Variants in SLC24A2 observed in about 807,000 individuals in gnomAD.
SLC24A2 encodes the protein solute carrier family 24 member 2.
A neutral mutation model predicts 62.0 loss-of-function variants in SLC24A2; 36 were observed. The observed-to-expected ratio is 0.58, with a 90% CI of 0.44 to 0.77. The LOEUF (loss-of-function observed/expected upper bound fraction) is 0.77, where lower values mean the gene tolerates loss of function less well. Among genes scored for constraint, SLC24A2 ranks in the 30% least tolerant of loss-of-function variants. SLC24A2 has a pLI of 0.00. For synonymous variants in SLC24A2, 358 were observed against 294.0 expected (o/e 1.22, Z -2.23); for missense variants, 846 against 817.9 (o/e 1.03, Z -0.42).
At chr9:20,272,374 T>C in the SLC24A2 span, among the ~76,000 whole-genome samples, 1 of 152,172 alleles carries the variant, frequency 6.6e-6, no homozygotes, top group Non-Finnish European at 1.5e-5. Context: ...ACCCGTCCCT[T>C]AATGTGGCAG....
the SLC24A2 span, among the ~76,000 whole-genome samples, chr9:19,924,536 A>G: frequency 1.1e-3 from 171 of 152,190 alleles, no homozygotes; most frequent in South Asian, 7.5e-3. Context: ...GTGCTTCCAG[A>G]TATCTACCCA....
At chr9:20,072,249 TG>T in the SLC24A2 span, among the ~76,000 whole-genome samples, 1 of 152,154 alleles carries the variant, frequency 6.6e-6, no homozygotes, top group Non-Finnish European at 1.5e-5. Context: ...AGATCCTTCT[TG>T]GTCTCTCTGT....
the SLC24A2 span, among the ~76,000 whole-genome samples, chr9:20,176,119 A>T: frequency 9.9e-4 from 151 of 152,162 alleles, no homozygotes; most frequent in Non-Finnish European, 1.8e-3. Context: ...CCTTAGAGGC[A>T]CATGCTAAAA....
At chr9:20,074,194 C>A in the SLC24A2 span, among the ~76,000 whole-genome samples, 1 of 151,924 alleles carries the variant, frequency 6.6e-6, no homozygotes, top group Non-Finnish European at 1.5e-5. Flanking sequence ...GATTTATACG[C>A]CATTAATGCC....
chr9:19,782,242 T>C (rs1290668338), intron 2 of SLC24A2, among the ~76,000 whole-genome samples: 2 of 152,130 alleles, frequency 1.3e-5, no homozygotes, highest in African/African-American at 4.8e-5. Context: ...CATAGCAAAA[T>C]GAGCCGAATG....
the SLC24A2 span, among the ~76,000 whole-genome samples, chr9:20,109,700 A>G: frequency 6.6e-5 from 10 of 152,162 alleles, no homozygotes; most frequent in Non-Finnish European, 1.2e-4. Context: ...TATTCCCTCT[A>G]TTGATTTTGC....
At chr9:20,275,744 G>A in the SLC24A2 span, among the ~76,000 whole-genome samples, 78 of 152,202 alleles carry the variant, frequency 5.1e-4, no homozygotes, top group African/African-American at 1.5e-3. Context: ...TAATTATAAA[G>A]AAAAAGAGGT....
chr9:20,106,106 G>A, the SLC24A2 span, among the ~76,000 whole-genome samples: 6 of 152,172 alleles, frequency 3.9e-5, no homozygotes. Context: ...AGAAGAAATG[G>A]ATAAATTCCT....
At chr9:20,103,208 G>A in the SLC24A2 span, among the ~76,000 whole-genome samples, 7 of 152,200 alleles carry the variant, frequency 4.6e-5, no homozygotes, top group African/African-American at 1.7e-4. Flanking sequence ...CTCAAACTGG[G>A]TGGAGCCCAC....
At chr9:20,208,838 A>T in the SLC24A2 span, among the ~76,000 whole-genome samples, 4 of 152,230 alleles carry the variant, frequency 2.6e-5, no homozygotes, top group Admixed American at 6.5e-5. Flanking sequence ...CTCCAGAAAC[A>T]GGAGGAATAT....
the SLC24A2 span, among the ~76,000 whole-genome samples, chr9:20,086,304 G>GT: frequency 6.6e-6 from 1 of 152,178 alleles, no homozygotes; most frequent in South Asian, 2.1e-4. Context: ...CACATGGCCC[G>GT]TATTTCCAGT....
At chr9:19,561,675 C>T (rs1287600930) in intron 7 of SLC24A2, among the ~76,000 whole-genome samples, 1 of 152,078 alleles carries the variant, frequency 6.6e-6, no homozygotes, top group Non-Finnish European at 1.5e-5. Context: ...TGTGATCCAC[C>T]TGCCTCGGCC....
the SLC24A2 span, among the ~76,000 whole-genome samples, chr9:20,220,705 C>T: frequency 2.0e-5 from 3 of 152,134 alleles, no homozygotes; most frequent in African/African-American, 7.2e-5. Flanking sequence ...CATCTCCTAA[C>T]TTAGAACGCT....
the SLC24A2 span, among the ~76,000 whole-genome samples, chr9:19,850,444 C>A: frequency 6.6e-6 from 1 of 152,050 alleles, no homozygotes; most frequent in South Asian, 2.1e-4. Context: ...CATAAATATG[C>A]ATACCTTTTA....
chr9:19,518,409 C>A (rs571721570), intron 10 of SLC24A2, among the ~76,000 whole-genome samples: 3 of 150,690 alleles, frequency 2.0e-5, no homozygotes, highest in South Asian at 2.1e-4. Context: ...TCTTTTCTTT[C>A]TTTTTCTTTT....
chr9:20,132,091 G>A, the SLC24A2 span, among the ~76,000 whole-genome samples: 5 of 152,014 alleles, frequency 3.3e-5, no homozygotes, highest in African/African-American at 9.6e-5. Flanking sequence ...CTGAATTAGC[G>A]TCCTCATGAG....
the SLC24A2 span, among the ~76,000 whole-genome samples, chr9:20,191,687 T>C: frequency 6.6e-6 from 1 of 151,466 alleles, no homozygotes; most frequent in East Asian, 1.9e-4. Flanking sequence ...AGATATCCAT[T>C]AAGACGGGAA....
intron 2 of SLC24A2, among the ~76,000 whole-genome samples, chr9:19,659,358 TTC>T (rs1819028192): frequency 6.6e-6 from 1 of 152,154 alleles, no homozygotes; most frequent in Non-Finnish European, 1.5e-5. Context: ...GAAAATAAAT[TTC>T]TGTTTTAAGC....
intron 5 of SLC24A2, among the ~76,000 whole-genome samples, chr9:19,597,003 T>C (rs1836721017): frequency 1.3e-5 from 2 of 152,224 alleles, no homozygotes; most frequent in South Asian, 4.1e-4. Context: ...ATAATTATGA[T>C]GGTTTGAATT....
Sources: allele counts gnomAD v4.1 joint callset (sites outside exome capture counted in the v4.1 genomes callset), GRCh38; gene constraint gnomAD v4.1.1; transcripts MANE v1.5; gene names NCBI Gene and HGNC (gene_info 2026-07-23, HGNC 2026-07-21).